PTPRD: variants seen among roughly 807,000 people sequenced by gnomAD.
PTPRD encodes the protein receptor-type tyrosine-protein phosphatase delta.
PTPRD carries 34 observed loss-of-function variants against 214.5 expected under a neutral mutation model. The observed-to-expected ratio is 0.16, with a 90% confidence interval of 0.12 to 0.21. The LOEUF (loss-of-function observed/expected upper bound fraction) is 0.21. PTPRD is among the 10% of genes least tolerant of loss of function. PTPRD has a pLI of 1.00. For synonymous variants in PTPRD, 1,128 were observed against 845.7 expected (o/e 1.33, Z -5.79); for missense variants, 2,545 against 2,398.7 (o/e 1.06, Z -1.27).
intron 11 of PTPRD, among the ~76,000 whole-genome samples, chr9:9,005,901 A>T (rs1352838417): frequency 6.6e-6 from 1 of 152,090 alleles, no homozygotes; most frequent in Non-Finnish European, 1.5e-5. Context: ...GACTTGCTAT[A>T]GAAAAATAAA....
At chr9:10,505,603 A>G (rs185253216) in intron 2 of PTPRD, among the ~76,000 whole-genome samples, 28 of 152,180 alleles carry the variant, frequency 1.8e-4, no homozygotes, top group Non-Finnish European at 3.1e-4. Context: ...TCCTGTAGTC[A>G]CCAGGCATAC....
intron 11 of PTPRD, among the ~76,000 whole-genome samples, chr9:8,778,066 G>T (rs150941560): frequency 6.6e-6 from 1 of 152,306 alleles, no homozygotes; most frequent in Non-Finnish European, 1.5e-5. Context: ...TCTCAGATTA[G>T]AAACTACTGT....
At chr9:10,537,851 G>A (rs1462450108) in intron 2 of PTPRD, among the ~76,000 whole-genome samples, 2 of 152,064 alleles carry the variant, frequency 1.3e-5, no homozygotes, top group Non-Finnish European at 2.9e-5. Context: ...TCCTAAAGAT[G>A]GTTGCCAGAT....
At chr9:8,681,321 A>C (rs1175963610) in intron 12 of PTPRD, among the ~76,000 whole-genome samples, 1 of 152,352 alleles carries the variant, frequency 6.6e-6, no homozygotes, top group South Asian at 2.1e-4. Flanking sequence ...ACTAATGCAA[A>C]TAAGAAACTG....
chr9:10,486,030 T>C (rs1164343179), intron 2 of PTPRD, among the ~76,000 whole-genome samples: 2 of 55,804 alleles, frequency 3.6e-5, no homozygotes, highest in Non-Finnish European at 8.2e-5. Flanking sequence ...CTTTTTGATG[T>C]TTTTTTTTTT....
At chr9:8,335,527 G>C (rs1341254415) in intron 43 of PTPRD, among the ~76,000 whole-genome samples, 3 of 152,214 alleles carry the variant, frequency 2.0e-5, no homozygotes, top group Non-Finnish European at 4.4e-5. Context: ...TAAACGCACA[G>C]CCACTGTCAT....
chr9:8,915,961 G>A (rs555403664), intron 11 of PTPRD, among the ~76,000 whole-genome samples: 19 of 152,276 alleles, frequency 1.2e-4, no homozygotes, highest in African/African-American at 4.3e-4. Context: ...AGGAATGAAG[G>A]AGAAGAAGGT....
At chr9:10,470,949 A>G (rs141728101) in intron 2 of PTPRD, among the ~76,000 whole-genome samples, 1 of 152,162 alleles carries the variant, frequency 6.6e-6, no homozygotes, top group Non-Finnish European at 1.5e-5. Context: ...CACATATACA[A>G]GATGGAATAT....
At position 8,934,484 on chromosome 9, in the gene PTPRD, T is replaced by TAA. The variant is rs2098980640; in HGVS notation, c.-104+84212_-104+84213insTT. Among the ~76,000 whole-genome samples the TAA allele has an allele frequency of 3.5e-3, 55 of 15,754 alleles. 7 individuals carry two copies. Among genetic ancestry groups the TAA allele is most frequent in the Non-Finnish European group, 5.1e-3 (31 of 6,130 alleles). 10.3% of individuals were successfully genotyped at this position (15,754 alleles called of 152,430 possible). On this transcript the variant is annotated intron_variant, in intron 11 of 45. Coordinates refer to ENST00000381196, the MANE Select transcript of PTPRD (RefSeq NM_002839.4). ...ATATAAATATATATATATAAATATA[T>TAA]ATATATATAAATATATATATAAATA...
At chr9:9,259,938 G>C (rs1468964680) in intron 9 of PTPRD, among the ~76,000 whole-genome samples, 1 of 151,836 alleles carries the variant, frequency 6.6e-6, no homozygotes, top group African/African-American at 2.4e-5. Context: ...CAACCTTGTG[G>C]CCTTAGCTGG....
chr9:9,673,659 CA>C (rs1350684647), intron 7 of PTPRD, among the ~76,000 whole-genome samples: 6 of 150,010 alleles, frequency 4.0e-5, no homozygotes, highest in Non-Finnish European at 7.4e-5. Flanking sequence ...ATTTCTGTAT[CA>C]ATGAAAATTA....
At chr9:9,209,969 G>A (rs561288938) in intron 9 of PTPRD, among the ~76,000 whole-genome samples, 1 of 152,276 alleles carries the variant, frequency 6.6e-6, no homozygotes, top group Non-Finnish European at 1.5e-5. Flanking sequence ...GGGTGATGCA[G>A]AAGGGCCCAG....
intron 9 of PTPRD, among the ~76,000 whole-genome samples, chr9:9,319,527 T>A (rs1965311370): frequency 6.6e-6 from 1 of 152,220 alleles, no homozygotes; most frequent in Admixed American, 6.5e-5. Flanking sequence ...GTAATTTAAA[T>A]GTTATACAAT....
chr9:8,353,779 G>C (rs187548347), intron 39 of PTPRD, among the ~76,000 whole-genome samples: 1 of 147,384 alleles, frequency 6.8e-6, no homozygotes, highest in Non-Finnish European at 1.5e-5. Context: ...ACTCACATTC[G>C]TATACATATA....
At chr9:9,192,895 C>T (rs1431299729) in intron 9 of PTPRD, among the ~76,000 whole-genome samples, 1 of 152,214 alleles carries the variant, frequency 6.6e-6, no homozygotes, top group South Asian at 2.1e-4. Context: ...AAATCGCAAT[C>T]ATTTCTCTGA....
intron 35 of PTPRD, among the ~76,000 whole-genome samples, chr9:8,429,888 G>A (rs1022247938): frequency 7.2e-5 from 11 of 152,156 alleles, no homozygotes; most frequent in Admixed American, 7.2e-4. Context: ...AGATTGCTCC[G>A]AGTTAATACA....
At chr9:9,959,934 C>G (rs1415455651) in intron 4 of PTPRD, among the ~76,000 whole-genome samples, 1 of 152,040 alleles carries the variant, frequency 6.6e-6, no homozygotes, top group Non-Finnish European at 1.5e-5. Context: ...AGAGATATGT[C>G]TATACATGGG....
chr9:8,505,792 C>T (rs2097533190), intron 22 of PTPRD, among the ~76,000 whole-genome samples: 4 of 152,082 alleles, frequency 2.6e-5, no homozygotes, highest in Admixed American at 2.6e-4. Context: ...TTGTGGAGCA[C>T]AGTAGCTATG....
intron 7 of PTPRD, among the ~76,000 whole-genome samples, chr9:9,671,754 G>A (rs922912482): frequency 3.3e-5 from 5 of 152,142 alleles, no homozygotes; most frequent in African/African-American, 1.2e-4. Flanking sequence ...CATGTCAGAA[G>A]TGCCTTTCAC....
Sources: allele counts gnomAD v4.1 joint callset (sites outside exome capture counted in the v4.1 genomes callset), GRCh38; gene constraint gnomAD v4.1.1; transcripts MANE v1.5; gene names NCBI Gene and HGNC (gene_info 2026-07-23, HGNC 2026-07-21).